DRC2: variants seen among roughly 807,000 people sequenced by gnomAD.
The protein encoded by DRC2 is dynein regulatory complex subunit 2.
chr12:48,917,956 C>T, the DRC2 span, among the ~76,000 whole-genome samples: 1 of 152,184 alleles, frequency 6.6e-6, no homozygotes, highest in African/African-American at 2.4e-5. Context: ...ACAAAAACAT[C>T]CAAATTTTCA....
the DRC2 span, among the ~76,000 whole-genome samples, chr12:48,913,526 A>G: frequency 1.3e-5 from 2 of 149,868 alleles, no homozygotes; most frequent in Admixed American, 1.3e-4. Context: ...CGAGTCTCGC[A>G]CTGTCACCCG....
At chr12:48,905,222 C>A in the DRC2 span, 1 of 979,618 alleles carries the variant, frequency 1.0e-6, no homozygotes, top group Non-Finnish European at 1.5e-6. Context: ...TGTGAGAAAG[C>A]CAGGCTATTG....
chr12:48,919,221 CTTTT>C, the DRC2 span, among the ~76,000 whole-genome samples: 1 of 144,702 alleles, frequency 6.9e-6, no homozygotes, highest in Admixed American at 6.8e-5. Flanking sequence ...CCCCTTCCTA[CTTTT>C]TTTTTTTTTT....
chr12:48,918,730 G>C, the DRC2 span: 1 of 1,614,080 alleles, frequency 6.2e-7, no homozygotes, highest in Admixed American at 1.7e-5. Flanking sequence ...ACACAGCCGT[G>C]AGAGTGAAGA....
the DRC2 span, among the ~76,000 whole-genome samples, chr12:48,912,424 C>T: frequency 3.5e-3 from 127 of 36,498 alleles, 2 homozygotes; most frequent in Middle Eastern, 0.022. Flanking sequence ...GGCAACAGAG[C>T]GAGACGCCGT....
At chr12:48,907,209 C>T in the DRC2 span, among the ~76,000 whole-genome samples, 2 of 151,866 alleles carry the variant, frequency 1.3e-5, no homozygotes, top group Non-Finnish European at 2.9e-5. Context: ...AGCGAGACTC[C>T]GTCTCAAAAA....
the DRC2 span, chr12:48,917,008 A>G: frequency 1.2e-6 from 2 of 1,613,948 alleles, no homozygotes; most frequent in Non-Finnish European, 1.7e-6. Flanking sequence ...GAGATTCACT[A>G]TCTGCAAGAT....
At chr12:48,911,083 T>C in the DRC2 span, among the ~76,000 whole-genome samples, 1 of 152,222 alleles carries the variant, frequency 6.6e-6, no homozygotes, top group South Asian at 2.1e-4. Flanking sequence ...TGTATTGCAG[T>C]TTAACACATT....
At chr12:48,907,423 G>A in the DRC2 span, among the ~76,000 whole-genome samples, 14 of 152,120 alleles carry the variant, frequency 9.2e-5, no homozygotes, top group African/African-American at 2.4e-4. Context: ...GGTTCACCCC[G>A]AGACAATTAA....
At chr12:48,919,084 T>G in the DRC2 span, among the ~76,000 whole-genome samples, 3 of 152,296 alleles carry the variant, frequency 2.0e-5, no homozygotes, top group Non-Finnish European at 4.4e-5. Flanking sequence ...ATTTATTTAT[T>G]TATGTATTTC....
chr12:48,920,441 T>TTTAAAAAAAAAAAAAAAA, the DRC2 span, among the ~76,000 whole-genome samples: 4 of 67,816 alleles, frequency 5.9e-5, no homozygotes, highest in Non-Finnish European at 1.0e-4. Flanking sequence ...AACTCCATCT[T>TTTAAAAAAAAAAAAAAAA]AAAAAAAAAA....
At chr12:48,915,005 C>T in the DRC2 span, among the ~76,000 whole-genome samples, 4 of 151,896 alleles carry the variant, frequency 2.6e-5, no homozygotes, top group African/African-American at 9.7e-5. Context: ...ATTACAGGTG[C>T]GTGCCACCAC....
At chr12:48,915,781 A>AC in the DRC2 span, among the ~76,000 whole-genome samples, 75 of 134,672 alleles carry the variant, frequency 5.6e-4, 2 homozygotes, top group South Asian at 2.2e-3. Flanking sequence ...CGGGGGGCTG[A>AC]CCCCCCCACC....
the DRC2 span, among the ~76,000 whole-genome samples, chr12:48,915,535 T>A: frequency 1.3e-5 from 2 of 151,656 alleles, no homozygotes; most frequent in Non-Finnish European, 2.9e-5. Context: ...ACGGCAACCA[T>A]CCGATTTCTC....
the DRC2 span, chr12:48,917,092 A>G: frequency 2.5e-6 from 4 of 1,613,926 alleles, no homozygotes; most frequent in East Asian, 4.5e-5. Context: ...AGCATGTGGA[A>G]TGATCTCAAA....
At chr12:48,921,323 G>A in the DRC2 span, 2 of 1,614,176 alleles carry the variant, frequency 1.2e-6, no homozygotes, top group Admixed American at 1.7e-5. Context: ...GCATCTCAGT[G>A]AGTGACGAAG....
the DRC2 span, among the ~76,000 whole-genome samples, chr12:48,912,284 G>T: frequency 6.7e-6 from 1 of 150,260 alleles, no homozygotes; most frequent in Non-Finnish European, 1.5e-5. Flanking sequence ...AAAAAAATTA[G>T]CTGGCCATAG....
At chr12:48,918,796 C>G in the DRC2 span, 1 of 1,614,108 alleles carries the variant, frequency 6.2e-7, no homozygotes, top group South Asian at 1.1e-5. Context: ...ACTGCGAAAA[C>G]TTAAGGCCCA....
At chr12:48,909,623 G>A in the DRC2 span, among the ~76,000 whole-genome samples, 1 of 152,050 alleles carries the variant, frequency 6.6e-6, no homozygotes, top group Non-Finnish European at 1.5e-5. Flanking sequence ...GATTACAGGC[G>A]TGCGCCACGA....
Sources: allele counts gnomAD v4.1 joint callset (sites outside exome capture counted in the v4.1 genomes callset), GRCh38; gene constraint gnomAD v4.1.1; transcripts MANE v1.5; gene names NCBI Gene and HGNC (gene_info 2026-07-23, HGNC 2026-07-21).